Variants in WNK1 observed in about 807,000 individuals in gnomAD.
WNK1 encodes WNK lysine deficient protein kinase 1, also known as serine/threonine-protein kinase WNK1.
A neutral mutation model predicts 222.8 loss-of-function variants in WNK1; 38 were observed. The observed-to-expected ratio is 0.17, with a 90% CI of 0.13 to 0.22. The LOEUF (loss-of-function observed/expected upper bound fraction) is 0.22. Among genes scored for constraint, WNK1 ranks in the 10% least tolerant of loss-of-function variants. WNK1 has a pLI of 1.00. For missense variants in WNK1, 2,348 were observed against 2,918.4 expected, an observed-to-expected ratio of 0.80 and a Z score of 4.50; for synonymous variants, 1,090 against 1,092.9, an observed-to-expected ratio of 1.00 and a Z score of 0.05.
At chr12:859,807 C>A (rs1280013331) in intron 6 of WNK1, among the ~76,000 whole-genome samples, 1 of 151,696 alleles carries the variant, frequency 6.6e-6, no homozygotes, top group Non-Finnish European at 1.5e-5. Flanking sequence ...CCTTAAACTC[C>A]TGAACTCAAG....
chr12:806,036 T>G (rs1006009682), intron 1 of WNK1, among the ~76,000 whole-genome samples: 1 of 152,172 alleles, frequency 6.6e-6, no homozygotes, highest in Non-Finnish European at 1.5e-5. Flanking sequence ...TGAAACATAT[T>G]CAGGAATACA....
In WNK1 at chr12:861,233, C is replaced by T. The variant is rs370744884; in HGVS notation, c.1841C>T (p.Pro614Leu). ...CTCCCTTCTGCTAGCACCGGCATAC[C>T]TACTGCTTCTACCACTTCAGCTTCA... ...KQLPSASTGI[P>L]TASTTSASVS... Residue 614 changes from proline (P) to leucine (L), a missense_variant, in exon 7 of 28, where the codon CCT (proline) becomes CTT (leucine). Transcript: ENST00000315939. 1.2e-6 allele frequency: 2 copies of T among 1,614,086 alleles called. No homozygotes were observed. Among genetic ancestry groups the T allele is most frequent in the Non-Finnish European group, 1.7e-6 (2 of 1,179,982 alleles).
In WNK1 at chr12:855,810, T is replaced by G. The variant is rs1950739716; in HGVS notation, c.1312-1351T>G. 2.0e-5 allele frequency among the ~76,000 whole-genome samples: 3 copies of G among 152,076 alleles called. No homozygotes were observed. The South Asian group carries it at 6.2e-4, about 31-fold the overall frequency. On this transcript the variant is annotated intron_variant, in intron 4 of 27. Transcript: ENST00000315939. The stretch of plus-strand genomic sequence containing the variant: ...ATTTTGTTCTTACATCTTATGTATA[T>G]TTTCCACACATTGCTGTTTTGTTTT...
At chr12:821,877 C>G (rs11064551) in intron 2 of WNK1, among the ~76,000 whole-genome samples, 19,656 of 151,810 alleles carry the variant, frequency 0.13, 1,535 homozygotes, top group Middle Eastern at 0.21. Flanking sequence ...CATAGAATAT[C>G]ATTTTTCTTT....
chr12:873,816 A>G (rs989383291), intron 9 of WNK1, among the ~76,000 whole-genome samples: 3 of 152,148 alleles, frequency 2.0e-5, no homozygotes, highest in African/African-American at 4.8e-5. Flanking sequence ...AGAGAACCAT[A>G]TCTCTTGTTT....
At chr12:779,397 G>GTTTTTTTTTTTCTTTTTTTTTTTTTT (rs1943447378) in intron 1 of WNK1, among the ~76,000 whole-genome samples, 1 of 124,274 alleles carries the variant, frequency 8.0e-6, no homozygotes, top group Non-Finnish European at 1.7e-5. Flanking sequence ...TTTCTTTTCT[G>GTTTTTTTTTTTCTTTTTTTTTTTTTT]TTTTTTTTTT....
At chr12:872,723 T>C (rs755722345) in intron 9 of WNK1, among the ~76,000 whole-genome samples, 5 of 152,234 alleles carry the variant, frequency 3.3e-5, no homozygotes, top group Non-Finnish European at 5.9e-5. Flanking sequence ...CAGCAAACTC[T>C]AAACTGGCTT....
At chr12:836,249 C>T (rs2057824) in intron 4 of WNK1, among the ~76,000 whole-genome samples, 150,166 of 152,336 alleles carry the variant, frequency 0.99, 74,047 homozygotes, top group East Asian at 1. Context: ...ATGAGTGATA[C>T]TGCTAAACAG....
intron 22 of WNK1, among the ~76,000 whole-genome samples, chr12:893,008 A>G (rs142953227): frequency 6.6e-6 from 1 of 152,348 alleles, no homozygotes; most frequent in East Asian, 1.9e-4. Flanking sequence ...TAATCCCAGC[A>G]CTTTGGGAGG....
At chr12:857,340 A>G (rs1950863224) in intron 5 of WNK1, 91 bp downstream of exon 5, 1 of 1,152,624 alleles carries the variant, frequency 8.7e-7, no homozygotes, top group Non-Finnish European at 1.3e-6. Flanking sequence ...GGTGTATTTA[A>G]TATTTGTGAT....
chr12:882,488 G>A (rs1377451119), intron 14 of WNK1, among the ~76,000 whole-genome samples: 1 of 152,146 alleles, frequency 6.6e-6, no homozygotes, highest in Non-Finnish European at 1.5e-5. Flanking sequence ...CACCCAGCCA[G>A]ATAATTTATA....
At chr12:765,074 C>T (rs1941518148) in intron 1 of WNK1, among the ~76,000 whole-genome samples, 1 of 148,046 alleles carries the variant, frequency 6.8e-6, no homozygotes, top group Non-Finnish European at 1.5e-5. Context: ...AGGTGATCCA[C>T]CCATCTCAGT....
Position 908,757 on chromosome 12 carries a change from A to T in WNK1, c.7114A>T (p.Ser2372Cys), listed in dbSNP as rs771383347. 2 of 1,530,344 alleles carry T rather than the reference A, an allele frequency of 1.3e-6. No homozygotes were observed. Among genetic ancestry groups the T allele is most frequent in the Admixed American group, 3.5e-5 (2 of 57,120 alleles). 94.8% of individuals were successfully genotyped at this position (1,530,344 alleles called of 1,614,324 possible). A position where few individuals can be genotyped will look rare whatever the true frequency, so the allele number is the denominator to read the frequency against. ...FNISNLQKSI[S>C]NPPGSNLRTT ...CATCAGCAATTTGCAGAAATCCATC[A>T]GCAACCCCCCAGGCTCCAACCTGCG... Residue 2372 changes from serine to cysteine, a missense_variant, in exon 28 of 28, where the codon AGC becomes TGC. Transcript: ENST00000315939.
intron 4 of WNK1, among the ~76,000 whole-genome samples, chr12:831,745 C>T (rs1011105602): frequency 9.9e-5 from 15 of 151,566 alleles, no homozygotes; most frequent in South Asian, 2.1e-4. Context: ...CCATCTGCCA[C>T]GGTAAATATT....
intron 21 of WNK1, among the ~76,000 whole-genome samples, chr12:890,167 G>A (rs941745436): frequency 7.3e-5 from 11 of 151,648 alleles, no homozygotes; most frequent in Non-Finnish European, 1.3e-4. Context: ...TGGCCAGGCC[G>A]GTCTCGAACT....
At chr12:860,938 TTG>T in intron 6 of WNK1, 73 bp from the exon 7 acceptor site, 2 of 1,340,862 alleles carry the variant, frequency 1.5e-6, no homozygotes, top group Non-Finnish European at 2.1e-6. Flanking sequence ...TTTTTTTTTT[TTG>T]GCGGGGGGTG....
In WNK1 at chr12:825,928, T is replaced by A. The variant is rs533203717; in HGVS notation, c.933-1114T>A. Among the ~76,000 whole-genome samples, 5 of 152,338 alleles carry A rather than the reference T, an allele frequency of 3.3e-5. No homozygotes were observed. In the South Asian group the frequency reaches 1.0e-3, roughly 32 times the overall value. On this transcript the variant is annotated intron_variant, in intron 2 of 27. Coordinates refer to ENST00000315939, the MANE Select transcript of WNK1 (RefSeq NM_018979.4). ...AGATAAAATAGGCATTGGAACTCAA[T>A]CCCCAGATGTATCTTTTCTACAGTG...
chr12:894,819 A>G (rs1954597744), intron 23 of WNK1, among the ~76,000 whole-genome samples, 184 bp downstream of exon 23: 1 of 152,212 alleles, frequency 6.6e-6, no homozygotes, highest in Non-Finnish European at 1.5e-5. Flanking sequence ...ATATAGAAAT[A>G]CTTAGAACAG....
intron 4 of WNK1, among the ~76,000 whole-genome samples, chr12:836,668 C>T (rs1949207662): frequency 6.6e-6 from 1 of 152,134 alleles, no homozygotes; most frequent in Non-Finnish European, 1.5e-5. Context: ...GCAAATTATT[C>T]TGTGTAGAGA....
Sources: allele counts gnomAD v4.1 joint callset (sites outside exome capture counted in the v4.1 genomes callset), GRCh38; gene constraint gnomAD v4.1.1; transcripts MANE v1.5; gene names NCBI Gene and HGNC (gene_info 2026-07-23, HGNC 2026-07-21).